The following KRT82 variants were observed in gnomAD, a reference collection of about 807,000 sequenced individuals.
KRT82 encodes the protein keratin, type II cuticular Hb2.
A neutral mutation model predicts 48.0 loss-of-function variants in KRT82; 44 were observed. That is an observed-to-expected ratio of 0.92 (90% CI 0.72 to 1.18). The LOEUF is 1.18. Among genes scored for constraint, KRT82 ranks in the 50% most tolerant of loss-of-function variants. The probability of loss-of-function intolerance (pLI) is 0.00; values close to 1 mark genes in which losing one functional copy is unlikely to be tolerated. For missense variants in KRT82, 701 were observed against 671.4 expected (o/e 1.04, Z -0.49); for synonymous variants, 297 against 278.3 (o/e 1.07, Z -0.67).
Position 52,405,988 on chromosome 12 carries a change from A to C in KRT82, c.290T>G (p.Ile97Ser). ...GPSACITPVT[I>S]NESLLVPLAL... ...CAGTGGGACCAGCAGGCTCTCATTG[A>C]TGGTGACAGGGGTGATGCAGGCAGA... The change falls in exon 1 of 9, where the codon ATC becomes AGC. Residue 97 changes from isoleucine (I) to serine (S), a missense_variant. Transcript: ENST00000257974. 5 of 1,614,176 alleles carry C rather than the reference A, an allele frequency of 3.1e-6. No individual in the cohort carries two copies. The highest frequency in any genetic ancestry group is 1.6e-4 in the Middle Eastern group (1 of 6,062).
chr12:52,403,508 A>G (rs773777734), intron 2 of KRT82, among the ~76,000 whole-genome samples, 193 bp downstream of exon 2: 1 of 152,134 alleles, frequency 6.6e-6, no homozygotes, highest in Non-Finnish European at 1.5e-5. Flanking sequence ...GGGGAGAGAG[A>G]TGGCAATACA....
At chr12:52,395,524 G>A (rs1939700892) in intron 8 of KRT82, among the ~76,000 whole-genome samples, 1 of 152,084 alleles carries the variant, frequency 6.6e-6, no homozygotes, top group Non-Finnish European at 1.5e-5. Flanking sequence ...GTGGTTATTT[G>A]TGGCTTCTGG....
At chr12:52,404,045 C>T (rs755095522) in intron 1 of KRT82, 136 bp from the exon 2 acceptor site, 2 of 731,040 alleles carry the variant, frequency 2.7e-6, no homozygotes, top group Admixed American at 5.0e-5. Flanking sequence ...AAATCAGGGT[C>T]TCTGCATAGA....
intron 2 of KRT82, among the ~76,000 whole-genome samples, chr12:52,401,760 G>A (rs964355238): frequency 1.3e-5 from 2 of 152,062 alleles, no homozygotes; most frequent in Non-Finnish European, 2.9e-5. Flanking sequence ...TCGCTGGGAG[G>A]GTTCAGAGCC....
Position 52,406,255 on chromosome 12 carries a change from G to A in KRT82, c.23C>T (p.Pro8Leu), listed in dbSNP as rs756632417. The change falls in exon 1 of 9, where the codon CCA (proline) becomes CTA (leucine). Residue 8 changes from proline to leucine, a missense_variant. By Grantham distance (98) the Pro-to-Leu change is moderately conservative. Transcript: ENST00000257974. ...ACTCTGACTGCCACACCTGGAGCCT[G>A]GCTGGAAAGAGTGGTACGACATGGC... MSYHSFQ[P>L]GSRCGSQSFS... The A allele has an allele frequency of 1.2e-6, 2 of 1,602,198 alleles. No individual in the cohort carries two copies. The highest frequency in any genetic ancestry group is 1.7e-4 in the Middle Eastern group (1 of 6,018).
chr12:52,396,150 C>A lies in KRT82; in HGVS notation c.1151G>T (p.Gly384Val). Residue 384 changes from glycine to valine, a missense_variant, in exon 7 of 9, where the codon GGG (glycine) becomes GTG (valine). Gly to Val is a moderately radical substitution (Grantham distance 109). Coordinates refer to ENST00000257974, the MANE Select transcript of KRT82 (RefSeq NM_033033.4). ...GGCCTTCTGCAGAGCCTCCTCCAGC[C>A]CTGCCAGCTTGCACTTGGCATCATT... ...ALNDAKCKLA[G>V]LEEALQKAKQ... The A allele has an allele frequency of 6.2e-7, 1 of 1,614,216 alleles. No homozygotes were observed. The highest frequency in any genetic ancestry group is 1.1e-5 in the South Asian group (1 of 91,082).
At chr12:52,396,496 C>T (rs548138747) in intron 6 of KRT82, among the ~76,000 whole-genome samples, 135 of 152,290 alleles carry the variant, frequency 8.9e-4, no homozygotes, top group African/African-American at 3.1e-3. Flanking sequence ...CTGGTCTTCC[C>T]TAGCCCAGGA....
In KRT82 at chr12:52,397,727, G is replaced by C. The variant is rs191804695; in HGVS notation, c.943-719C>G. ...CAGTAGGAAAGTCTGCAGTTGCCTA[G>C]TAAATATCCATTGTCCTCTTCTTAA... On this transcript the variant is annotated intron_variant, in intron 5 of 8. Coordinates refer to ENST00000257974, the MANE Select transcript of KRT82 (RefSeq NM_033033.4). 1.9e-3 allele frequency among the ~76,000 whole-genome samples: 288 copies of C among 152,300 alleles called. 1 individual carries two copies. Among genetic ancestry groups the C allele is most frequent in the Middle Eastern group, 6.8e-3 (2 of 294 alleles).
chr12:52,395,623 G>C (rs1321885975), intron 8 of KRT82, 136 bp downstream of exon 8: 1 of 650,978 alleles, frequency 1.5e-6, no homozygotes, highest in Non-Finnish European at 2.7e-6. Flanking sequence ...CAGCCTGGGA[G>C]CTCACGGCAG....
chr12:52,400,423 T>C (rs1041937639), intron 4 of KRT82, 104 bp downstream of exon 4: 1 of 906,812 alleles, frequency 1.1e-6, no homozygotes, highest in African/African-American at 1.6e-5. Flanking sequence ...CGGACCTCTT[T>C]CCATGCTTGC....
Position 52,396,296 on chromosome 12 carries a change from G to A in KRT82, c.1069-64C>T. On this transcript the variant is annotated intron_variant, in intron 6 of 8. Coordinates refer to ENST00000257974, the MANE Select transcript of KRT82 (RefSeq NM_033033.4). ...GGAGCCCCAAGCCAGACTCGCAGAA[G>A]AGCAGAGAGAACACGGGGGTGGCTA... is the stretch of plus-strand genomic sequence containing the variant. The A allele has an allele frequency of 9.5e-6, 14 of 1,476,564 alleles. No homozygotes were observed. In the South Asian group the frequency reaches 1.7e-4, roughly 18 times the overall value. 91.5% of individuals were successfully genotyped at this position (1,476,564 alleles called of 1,614,324 possible).
rs771754920 is a variant in KRT82 at position 52,395,785 on chromosome 12, C to T, written c.1295G>A (p.Cys432Tyr). 6 of 1,552,956 alleles carry T rather than the reference C, an allele frequency of 3.9e-6. No homozygotes were observed. Among genetic ancestry groups the T allele is most frequent in the Non-Finnish European group, 5.2e-6 (6 of 1,153,622 alleles). The change falls in exon 8 of 9, where the codon TGC becomes TAC. Residue 432 changes from cysteine to tyrosine, a missense_variant. By Grantham distance (194) the Cys-to-Tyr change is radical (BLOSUM62 -2). Coordinates refer to ENST00000257974, the MANE Select transcript of KRT82 (RefSeq NM_033033.4). ...RLLEGEEHRLCEGIGPVNISV... is the reference protein window; with the variant it reads ...RLLEGEEHRLYEGIGPVNISV... Reference sequence around the variant, plus strand: ...GATATTCACGGGCCCGATGCCTTCGCACAGCCTGGGGATGAGAGGAAAAAG... The same window carrying T: ...GATATTCACGGGCCCGATGCCTTCGTACAGCCTGGGGATGAGAGGAAAAAG...
At chr12:52,397,095 G>A (rs1000055205) in intron 5 of KRT82, 87 bp from the exon 6 acceptor site, 115 of 1,506,304 alleles carry the variant, frequency 7.6e-5, no homozygotes, top group Middle Eastern at 3.5e-4. Flanking sequence ...CTTTTCTCCC[G>A]TGACTTCCTA....
At chr12:52,404,943 A>G (rs1284677204) in intron 1 of KRT82, among the ~76,000 whole-genome samples, 1 of 152,150 alleles carries the variant, frequency 6.6e-6, no homozygotes, top group Non-Finnish European at 1.5e-5. Context: ...GTGTAGGAGT[A>G]GAGTCAATGC....
rs755383874 is a variant in KRT82, at chr12:52,403,706, C to A, written c.615G>T (p.Lys205Asn). 1 of 1,601,308 alleles carries A rather than the reference C, an allele frequency of 6.2e-7. No homozygotes were observed. Among genetic ancestry groups the A allele is most frequent in the Non-Finnish European group, 8.5e-7 (1 of 1,169,766 alleles). The change falls in exon 2 of 9, where the codon AAG becomes AAT. Residue 205 changes from lysine (K) to asparagine (N), a missense_variant. Coordinates refer to ENST00000257974, the MANE Select transcript of KRT82 (RefSeq NM_033033.4). ...TAAAAGCAGCACTGACTCACTTTTT[C>A]TTGTAGCCCTCCAGTGCAGCCTGGA... ...CSLQAALEGYKKKYEEELSLR... is the reference protein window; with the variant it reads ...CSLQAALEGYNKKYEEELSLR...
At chr12:52,401,169 C>T (rs533848123) in intron 3 of KRT82, 120 bp downstream of exon 3, 14 of 791,324 alleles carry the variant, frequency 1.8e-5, no homozygotes, top group African/African-American at 1.5e-4. Context: ...GTCTGAGGGG[C>T]GAAAAACCCT....
rs1051097982 is a variant in KRT82 at position 52,403,966 on chromosome 12, G to C, written c.412-57C>G. 15 of 1,527,612 alleles carry C rather than the reference G, an allele frequency of 9.8e-6. No individual in the cohort carries two copies. The African/African-American group carries it at 2.0e-4, about 21-fold the overall frequency. The allele number at this position is 1,527,612 out of a possible 1,614,324, so 94.6% of individuals were successfully genotyped here. A position where few individuals can be genotyped will look rare whatever the true frequency, so the allele number is the denominator to read the frequency against. On this transcript the variant is annotated intron_variant, in intron 1 of 8. Transcript: ENST00000257974. ...CAGAGATCCTGGGGACCATGACTTA[G>C]AGAGGGCAATGGAATGAGTTTCTGC...
chr12:52,400,417 C>A, intron 4 of KRT82, 110 bp downstream of exon 4: 1 of 864,428 alleles, frequency 1.2e-6, no homozygotes, highest in African/African-American at 1.6e-5. Flanking sequence ...ACAGTGCGGA[C>A]CTCTTTCCAT....
rs1262486716 is a variant in KRT82, at chr12:52,394,142, A to G, written c.*833T>C. 1.3e-5 allele frequency: 2 copies of G among 152,338 alleles called. No individual in the cohort carries two copies. The highest frequency in any genetic ancestry group is 2.9e-5 in the Non-Finnish European group (2 of 68,114). The allele number at this position is 152,338 out of a possible 1,614,324, so 9.4% of individuals were successfully genotyped here. ...CACATCACTGTCATATCAGACTCAAAGCAAAAGGAGCTAAAGGGTTGGGGA... is the reference window on the plus strand; with the variant it reads ...CACATCACTGTCATATCAGACTCAAGGCAAAAGGAGCTAAAGGGTTGGGGA... On this transcript the variant is annotated 3_prime_UTR_variant, in exon 9 of 9. Coordinates refer to ENST00000257974, the MANE Select transcript of KRT82 (RefSeq NM_033033.4).
Sources: gnomAD v4.1 joint callset for allele counts (sites outside exome capture counted in the v4.1 genomes callset) on GRCh38, gnomAD v4.1.1 for gene constraint, MANE v1.5 for transcripts, NCBI Gene and HGNC (gene_info 2026-07-23, HGNC 2026-07-21) for gene names.